Variants in FOXP4 observed in about 807,000 individuals in gnomAD.
FOXP4 encodes forkhead box P4.
In FOXP4, 25 loss-of-function variants were observed where a neutral mutation model predicts 82.6. The observed-to-expected ratio is 0.30, with a 90% CI of 0.22 to 0.42. FOXP4 has a LOEUF of 0.42. Among genes scored for constraint, FOXP4 ranks in the 10% least tolerant of loss-of-function variants. FOXP4 has a pLI of 1.00. For missense variants in FOXP4, 785 were observed against 900.9 expected, an observed-to-expected ratio of 0.87 and a Z score of 1.65; for synonymous variants, 415 against 388.2, an observed-to-expected ratio of 1.07 and a Z score of -0.81.
chr6:41,577,831 C>T (rs1765570414), intron 2 of FOXP4, among the ~76,000 whole-genome samples, 155 bp from the exon 3 acceptor site: 2 of 152,130 alleles, frequency 1.3e-5, no homozygotes, highest in South Asian at 2.1e-4. Flanking sequence ...ACTTCTACTA[C>T]CCTTACCCCA....
chr6:41,564,780 A>C (rs1323001344), intron 1 of FOXP4, among the ~76,000 whole-genome samples: 1 of 152,220 alleles, frequency 6.6e-6, no homozygotes, highest in African/African-American at 2.4e-5. Context: ...TGCTAGGCTG[A>C]GGGCTTTAAA....
intron 1 of FOXP4, among the ~76,000 whole-genome samples, chr6:41,564,124 G>A (rs970214141): frequency 6.6e-6 from 1 of 152,208 alleles, no homozygotes; most frequent in Admixed American, 6.5e-5. Flanking sequence ...TAGTTGGGGA[G>A]CCCCCAGAAT....
At chr6:41,586,752 G>A (rs559962116) in intron 5 of FOXP4, among the ~76,000 whole-genome samples, 23 of 152,342 alleles carry the variant, frequency 1.5e-4, no homozygotes, top group South Asian at 1.5e-3. Context: ...GAGGGAGGGC[G>A]TCGTGCTGCG....
In FOXP4 at chr6:41,565,688, A is replaced by G. The variant is rs557066803; in HGVS notation, c.-16-57A>G. The stretch of plus-strand genomic sequence containing the variant: ...GTTATGTTTTTGGGGGTCAGCAGTC[A>G]CTGCCCTTTCAGCCTTCAGCCTCAG... On this transcript the variant is annotated intron_variant, in intron 1 of 16. Coordinates refer to ENST00000307972, the MANE Select transcript of FOXP4 (RefSeq NM_001012426.2). 2.7e-6 allele frequency: 4 copies of G among 1,485,114 alleles called. 1 individual carries two copies. The South Asian group carries it at 3.9e-5, about 14-fold the overall frequency. The allele number at this position is 1,485,114 out of a possible 1,614,324, so 92.0% of individuals were successfully genotyped here.
chr6:41,575,158 C>T (rs954860485), intron 2 of FOXP4, among the ~76,000 whole-genome samples: 4 of 152,032 alleles, frequency 2.6e-5, no homozygotes, highest in Non-Finnish European at 5.9e-5. Flanking sequence ...TTAGTAGAGA[C>T]GGGGTTTCAC....
At chr6:41,554,982 G>A (rs974635668) in intron 1 of FOXP4, among the ~76,000 whole-genome samples, 3 of 152,188 alleles carry the variant, frequency 2.0e-5, no homozygotes, top group African/African-American at 7.2e-5. Context: ...GATGGGCGCA[G>A]TGGCTCATGC....
rs890609107 is a variant in FOXP4 at position 41,558,191 on chromosome 6, G to A, written c.-16-7554G>A. On this transcript the variant is annotated intron_variant, in intron 1 of 16. Coordinates refer to ENST00000307972, the MANE Select transcript of FOXP4 (RefSeq NM_001012426.2). This position sits in a 1 kb window ranked among gnomAD's most constrained non-coding sequence, Gnocchi z 4.0. ...TTGGAGAGGGATTAAGCCTACTCTC[G>A]AACTCACAGAGCCCCATGTGTTTGG... is the stretch of plus-strand genomic sequence containing the variant. Among the ~76,000 whole-genome samples the A allele has an allele frequency of 6.6e-6, 1 of 152,144 alleles. No homozygotes were observed.
chr6:41,585,616 A>G, intron 5 of FOXP4, 99 bp downstream of exon 5: 2 of 1,094,916 alleles, frequency 1.8e-6, no homozygotes, highest in Non-Finnish European at 2.6e-6. Flanking sequence ...GGAATAGTAG[A>G]AAAATCTAGA....
chr6:41,581,613 G>T (rs1489465422), intron 3 of FOXP4, among the ~76,000 whole-genome samples: 3 of 152,248 alleles, frequency 2.0e-5, no homozygotes, highest in Non-Finnish European at 2.9e-5. Flanking sequence ...CTCCAGCTCA[G>T]TTCTCAGACC....
chr6:41,571,150 G>T (rs1260969177), intron 2 of FOXP4, among the ~76,000 whole-genome samples: 1 of 152,014 alleles, frequency 6.6e-6, no homozygotes, highest in African/African-American at 2.4e-5. Context: ...CTGCCACTCG[G>T]TCACCCACCA....
chr6:41,555,700 G>C (rs935571061), intron 1 of FOXP4, among the ~76,000 whole-genome samples: 2 of 152,134 alleles, frequency 1.3e-5, no homozygotes, highest in African/African-American at 4.8e-5. Flanking sequence ...CTTGGCATTC[G>C]GCTCCTCTTG....
In FOXP4 at chr6:41,589,822, C is replaced by T. The variant is rs140387832; in HGVS notation, c.1117C>T (p.Arg373Trp). Residue 373 changes from arginine (R) to tryptophan (W), a missense_variant, in exon 10 of 17, where the codon CGG (arginine) becomes TGG (tryptophan). Arg to Trp is a moderately radical substitution (Grantham distance 101, BLOSUM62 -3). This residue lies in a region of FOXP4 where 570 missense variants were observed against 634.0 expected (regional missense o/e 0.90). Transcript: ENST00000307972. ...LQAMMAHLHM[R>W]PSEPKPFSQP... ...GGCCATGATGGCCCACCTGCACATG[C>T]GGCCCTCGGAGCCCAAGCCCTTCAG... 47 of 1,610,588 alleles carry T rather than the reference C, an allele frequency of 2.9e-5. No homozygotes were observed. The highest frequency in any genetic ancestry group is 3.9e-5 in the Non-Finnish European group (46 of 1,179,930).
intron 8 of FOXP4, 30 bp downstream of exon 8, chr6:41,587,927 C>A: frequency 7.9e-7 from 1 of 1,273,852 alleles, no homozygotes; most frequent in Non-Finnish European, 1.1e-6. Flanking sequence ...CCTCCCCCAG[C>A]AGCCTTTCCC....
chr6:41,587,520 G>A lies in FOXP4; in HGVS notation c.872+8G>A, dbSNP rs547351834. 21 of 1,516,692 alleles carry A rather than the reference G, an allele frequency of 1.4e-5. No individual in the cohort carries two copies. The East Asian group carries it at 3.4e-4, about 25-fold the overall frequency. 94.0% of individuals were successfully genotyped at this position (1,516,692 alleles called of 1,614,324 possible). A position where few individuals can be genotyped will look rare whatever the true frequency, so the allele number is the denominator to read the frequency against. ...CACATCTCGGAGAGACAGGTACAGG[G>A]GTCCAGGCTGGGAGGGGCATCAAAG... On this transcript the variant is annotated splice_region_variant and intron_variant, in intron 7 of 16. Transcript: ENST00000307972.
In FOXP4 at chr6:41,597,786, C is replaced by T. The variant is rs1490912372; in HGVS notation, c.1731C>T (p.Ala577=). The change falls in exon 16 of 17, where the codon GCC becomes GCT. Residue 577 remains alanine (A), a synonymous_variant. Coordinates refer to ENST00000307972, the MANE Select transcript of FOXP4 (RefSeq NM_001012426.2). ...CCAACCCTGTGCCCCTGCAGGCCGC[C>T]CTGGCCGAGAGCAGCTTCCCCCTCC... The part of the protein sequence containing the change: ...YGALNASYQA[A]LAESSFPLLN... The T allele has an allele frequency of 6.2e-7, 1 of 1,606,812 alleles. No individual in the cohort carries two copies. The highest frequency in any genetic ancestry group is 2.2e-5 in the East Asian group (1 of 44,812).
chr6:41,572,203 C>T (rs995541165), intron 2 of FOXP4, among the ~76,000 whole-genome samples: 9 of 152,206 alleles, frequency 5.9e-5, no homozygotes, highest in African/African-American at 2.2e-4. Flanking sequence ...GGCAGGGCCT[C>T]GCACCATGTG....
chr6:41,549,325 G>A (rs1237397759), intron 1 of FOXP4, among the ~76,000 whole-genome samples: 3 of 151,932 alleles, frequency 2.0e-5, no homozygotes, highest in Non-Finnish European at 4.4e-5. Flanking sequence ...GCTGGAGAAC[G>A]CCAGGGCCAG....
rs547603887 is a variant in FOXP4, at chr6:41,583,136, T to G, written c.301-1633T>G. On this transcript the variant is annotated intron_variant, in intron 3 of 16. Coordinates refer to ENST00000307972, the MANE Select transcript of FOXP4 (RefSeq NM_001012426.2). ...ATGCCCATGACTAAAGAGCTAGGTG[T>G]TACCCCTCCCAGGCCCATGTGGATA... Among the ~76,000 whole-genome samples the G allele has an allele frequency of 2.0e-5, 3 of 152,306 alleles. No individual in the cohort carries two copies. The South Asian group carries it at 6.2e-4, about 32-fold the overall frequency.
intron 2 of FOXP4, chr6:41,570,468 C>T (rs1765138280): frequency 2.2e-6 from 1 of 454,166 alleles, no homozygotes; most frequent in Non-Finnish European, 4.6e-6. Flanking sequence ...AACCATCCCC[C>T]TTGTTGTACC....
Sources: gnomAD v4.1 joint callset for allele counts (sites outside exome capture counted in the v4.1 genomes callset) on GRCh38, gnomAD v4.1.1 for gene constraint, gnomAD v4.1.1 regional missense constraint, Gnocchi (gnomAD v3.1) non-coding constraint, MANE v1.5 for transcripts, NCBI Gene and HGNC (gene_info 2026-07-23, HGNC 2026-07-21) for gene names.